PLEKHA6: variants seen among roughly 807,000 people sequenced by gnomAD.
PLEKHA6 encodes pleckstrin homology domain containing A6, also known as pleckstrin homology domain-containing family A member 6.
In PLEKHA6, 60 loss-of-function variants were observed where a neutral mutation model predicts 116.7. The observed-to-expected ratio is 0.51, with a 90% CI of 0.42 to 0.64. The LOEUF (loss-of-function observed/expected upper bound fraction) is 0.64. PLEKHA6 is among the 30% of genes least tolerant of loss of function. The pLI is 0.00. For missense variants in PLEKHA6, 1,338 were observed against 1,422.7 expected (o/e 0.94, Z 0.96); for synonymous variants, 489 against 556.1 (o/e 0.88, Z 1.70).
chr1:204,262,963 C>G (rs1003380583), intron 6 of PLEKHA6, among the ~76,000 whole-genome samples: 8 of 141,860 alleles, frequency 5.6e-5, no homozygotes, highest in East Asian at 2.5e-4. Flanking sequence ...AGGCAGGGCT[C>G]GTGGGTGTGT....
intron 1 of PLEKHA6, chr1:204,311,566 T>A (rs899184929): frequency 1.4e-5 from 13 of 955,648 alleles, no homozygotes; most frequent in Non-Finnish European, 1.6e-5. Context: ...GCTTCTTGAG[T>A]GTAACAAAAA....
intron 17 of PLEKHA6, among the ~76,000 whole-genome samples, chr1:204,236,391 C>A (rs968990509): frequency 6.6e-6 from 1 of 152,112 alleles, no homozygotes; most frequent in Non-Finnish European, 1.5e-5. Flanking sequence ...CACTTTAGAC[C>A]TACTCATTCC....
intron 1 of PLEKHA6, among the ~76,000 whole-genome samples, chr1:204,293,678 A>T (rs1183747435): frequency 6.6e-6 from 1 of 152,170 alleles, no homozygotes; most frequent in Non-Finnish European, 1.5e-5. Flanking sequence ...TTGCATTGAA[A>T]TGTTATTTAT....
intron 1 of PLEKHA6, among the ~76,000 whole-genome samples, chr1:204,330,436 A>ATAATAAC (rs1672404016): frequency 6.6e-6 from 1 of 152,254 alleles, no homozygotes; most frequent in South Asian, 2.1e-4. Context: ...AAGCTTGGGC[A>ATAATAAC]CATTGGTGTT....
chr1:204,259,947 G>A lies in PLEKHA6; in HGVS notation c.525-207C>T, dbSNP rs187680538. On this transcript the variant is annotated intron_variant, in intron 7 of 22. Transcript: ENST00000272203. The surrounding 1 kb of genome is among the most constrained non-coding windows in gnomAD (Gnocchi z 4.6). ...GGGAAATTATTATACAACCTAATCC[G>A]CCCCTGCCCACACCTGCTGTGTTAA... Among the ~76,000 whole-genome samples, 16 of 151,948 alleles carry A rather than the reference G, an allele frequency of 1.1e-4. No individual in the cohort carries two copies. Among genetic ancestry groups the A allele is most frequent in the South Asian group, 2.1e-4 (1 of 4,800 alleles).
intron 1 of PLEKHA6, among the ~76,000 whole-genome samples, chr1:204,290,988 C>CA (rs34983026): frequency 0.64 from 72,847 of 113,076 alleles, 22,826 homozygotes; most frequent in East Asian, 0.82. Flanking sequence ...GACCCTGTCT[C>CA]AAAAAAAAAA....
At chr1:204,376,151 G>A (rs185020717) in intron 1 of PLEKHA6, among the ~76,000 whole-genome samples, 2 of 152,300 alleles carry the variant, frequency 1.3e-5, no homozygotes, top group Admixed American at 6.5e-5. Context: ...AGCAAAGAGT[G>A]GATGCCCAAT....
chr1:204,243,356 A>G, intron 15 of PLEKHA6: 1 of 399,016 alleles, frequency 2.5e-6, no homozygotes, highest in Non-Finnish European at 4.4e-6. Context: ...AGACAACAAC[A>G]TTGCTGGAGA....
chr1:204,288,034 T>C (rs1669375552), intron 1 of PLEKHA6, among the ~76,000 whole-genome samples: 1 of 152,216 alleles, frequency 6.6e-6, no homozygotes, highest in South Asian at 2.1e-4. Flanking sequence ...AGAATGGGTA[T>C]ATCTAGGCTT....
chr1:204,296,271 C>T (rs151199824), intron 1 of PLEKHA6, among the ~76,000 whole-genome samples: 93 of 152,216 alleles, frequency 6.1e-4, no homozygotes, highest in African/African-American at 2.2e-3. Context: ...GTTTCGTGGC[C>T]TCCTGGTTCC....
In PLEKHA6 at chr1:204,250,534, C is replaced by G; in HGVS notation, c.1593+12G>C. 2 of 1,602,644 alleles carry G rather than the reference C, an allele frequency of 1.2e-6. No homozygotes were observed. The highest frequency in any genetic ancestry group is 4.5e-5 in the East Asian group (2 of 44,824). ...TGGAGTGGAGGGAGGGAGCAGGGGG[C>G]GCTGCTCTTACATCTGTGTCTTGCT... On this transcript the variant is annotated intron_variant, in intron 10 of 22. Coordinates refer to ENST00000272203, the MANE Select transcript of PLEKHA6 (RefSeq NM_014935.5).
At chr1:204,295,116 G>C (rs1670142980) in intron 1 of PLEKHA6, among the ~76,000 whole-genome samples, 1 of 152,178 alleles carries the variant, frequency 6.6e-6, no homozygotes, top group Admixed American at 6.5e-5. Context: ...ACTGGGAGGT[G>C]GGCTTTTGTG....
intron 1 of PLEKHA6, among the ~76,000 whole-genome samples, chr1:204,300,873 C>A (rs1407465186): frequency 6.6e-6 from 1 of 152,202 alleles, no homozygotes; most frequent in East Asian, 1.9e-4. Flanking sequence ...CAATACAGAG[C>A]CGCAATGCTT....
At chr1:204,258,426 C>A (rs1303016979) in intron 8 of PLEKHA6, among the ~76,000 whole-genome samples, 1 of 152,186 alleles carries the variant, frequency 6.6e-6, no homozygotes, top group African/African-American at 2.4e-5. Flanking sequence ...GCCACCATGC[C>A]CAGCTTCCTG....
intron 1 of PLEKHA6, among the ~76,000 whole-genome samples, chr1:204,331,991 A>C (rs1210962598): frequency 6.6e-6 from 1 of 152,120 alleles, no homozygotes. Context: ...AACACACCTC[A>C]TGCCCAAACG....
chr1:204,344,330 TG>T (rs913133543), intron 1 of PLEKHA6, among the ~76,000 whole-genome samples: 8 of 152,182 alleles, frequency 5.3e-5, no homozygotes, highest in Non-Finnish European at 1.0e-4. Context: ...CCAGGCTTGG[TG>T]GCTCACGCCT....
At chr1:204,356,696 G>A (rs1373228013) in intron 1 of PLEKHA6, among the ~76,000 whole-genome samples, 6 of 152,040 alleles carry the variant, frequency 3.9e-5, no homozygotes, top group Admixed American at 3.9e-4. Context: ...TATATGTATT[G>A]TGATAATCTA....
chr1:204,267,806 G>A (rs531651404), intron 4 of PLEKHA6, among the ~76,000 whole-genome samples: 3 of 152,192 alleles, frequency 2.0e-5, no homozygotes, highest in Non-Finnish European at 4.4e-5. Flanking sequence ...GGCAGAATGA[G>A]TGAGTGGAAG....
Position 204,301,206 on chromosome 1 carries a change from C to G in PLEKHA6, c.-94-26397G>C, listed in dbSNP as rs1056930745. 3.1e-6 allele frequency: 3 copies of G among 980,936 alleles called. No individual in the cohort carries two copies. The African/African-American group carries it at 5.3e-5, about 17-fold the overall frequency. The allele number at this position is 980,936 out of a possible 1,614,324, so 60.8% of individuals were successfully genotyped here. A position where few individuals can be genotyped will look rare whatever the true frequency, so the allele number is the denominator to read the frequency against. On this transcript the variant is annotated intron_variant, in intron 1 of 22. Coordinates refer to ENST00000272203, the MANE Select transcript of PLEKHA6 (RefSeq NM_014935.5). ...AGCTATACAAGCCACCTCTCTAGCT[C>G]CAGAAGACAGGAGTTTCAGCAGAGT...
Sources: allele counts gnomAD v4.1 joint callset (sites outside exome capture counted in the v4.1 genomes callset), GRCh38; gene constraint gnomAD v4.1.1; non-coding constraint Gnocchi (gnomAD v3.1); transcripts MANE v1.5; gene names NCBI Gene and HGNC (gene_info 2026-07-23, HGNC 2026-07-21).